PTPRD: variants seen among roughly 807,000 people sequenced by gnomAD.
The protein encoded by PTPRD is receptor-type tyrosine-protein phosphatase delta.
A neutral mutation model predicts 214.5 loss-of-function variants in PTPRD; 34 were observed. The observed-to-expected ratio is 0.16, with a 90% confidence interval of 0.12 to 0.21. PTPRD has a LOEUF of 0.21. Ranked by LOEUF, PTPRD falls within the 10% of genes least tolerant of loss-of-function variation. The probability of loss-of-function intolerance (pLI) is 1.00; values close to 1 mark genes in which losing one functional copy is unlikely to be tolerated. For synonymous variants in PTPRD, 1,128 were observed against 845.7 expected, an observed-to-expected ratio of 1.33 and a Z score of -5.79; for missense variants, 2,545 against 2,398.7, an observed-to-expected ratio of 1.06 and a Z score of -1.27.
intron 2 of PTPRD, among the ~76,000 whole-genome samples, chr9:10,364,677 G>T (rs568507082): frequency 6.6e-6 from 1 of 152,086 alleles, no homozygotes; most frequent in East Asian, 1.9e-4. Context: ...AAATAATTAA[G>T]ATATAGAACA....
intron 9 of PTPRD, among the ~76,000 whole-genome samples, chr9:9,322,422 T>C (rs986188224): frequency 6.6e-6 from 1 of 152,186 alleles, no homozygotes; most frequent in African/African-American, 2.4e-5. Flanking sequence ...AGAGTTTAAA[T>C]AACACATTTC....
chr9:10,337,062 C>A (rs1320284309), intron 3 of PTPRD, among the ~76,000 whole-genome samples: 5 of 151,708 alleles, frequency 3.3e-5, no homozygotes, highest in Non-Finnish European at 2.9e-5. Context: ...ATCTACACAA[C>A]CTTGCTTATT....
intron 9 of PTPRD, among the ~76,000 whole-genome samples, chr9:9,363,631 G>C (rs2056963649): frequency 6.6e-6 from 1 of 151,160 alleles, no homozygotes; most frequent in South Asian, 2.1e-4. Context: ...GGTTTTTCTA[G>C]CTAAGTGGAA....
At position 10,074,627 on chromosome 9, in the gene PTPRD, A is replaced by C. The variant is rs546398908; in HGVS notation, c.-544-40837T>G. Among the ~76,000 whole-genome samples the C allele has an allele frequency of 3.3e-5, 5 of 152,248 alleles. No individual in the cohort carries two copies. In the South Asian group the frequency reaches 1.0e-3, roughly 32 times the overall value. On this transcript the variant is annotated intron_variant, in intron 3 of 45. Coordinates refer to ENST00000381196, the MANE Select transcript of PTPRD (RefSeq NM_002839.4). Reference sequence around the variant, plus strand: ...TCTCTGATCCCACTAAAGCCCATGGATAGCAGTTAATGTCACCAGTTTTTG... The same window carrying C: ...TCTCTGATCCCACTAAAGCCCATGGCTAGCAGTTAATGTCACCAGTTTTTG...
chr9:9,776,511 G>C (rs999917719), intron 5 of PTPRD, among the ~76,000 whole-genome samples: 3 of 152,046 alleles, frequency 2.0e-5, no homozygotes, highest in African/African-American at 7.3e-5. Context: ...CAGACACTGA[G>C]AAAACATCTG....
intron 8 of PTPRD, among the ~76,000 whole-genome samples, chr9:9,490,136 A>G (rs2095837927): frequency 6.6e-6 from 1 of 152,124 alleles, no homozygotes; most frequent in South Asian, 2.1e-4. Context: ...CAATTGCCAA[A>G]CAAGAATGCT....
chr9:10,589,067 T>A (rs1200987489), intron 2 of PTPRD, among the ~76,000 whole-genome samples: 1 of 152,178 alleles, frequency 6.6e-6, no homozygotes, highest in Admixed American at 6.6e-5. Context: ...AATAATTGCA[T>A]AGAGTTGTCT....
chr9:10,280,337 A>G (rs2095026916), intron 3 of PTPRD, among the ~76,000 whole-genome samples: 1 of 145,444 alleles, frequency 6.9e-6, no homozygotes, highest in South Asian at 2.1e-4. Flanking sequence ...GAAGTAGGAG[A>G]AAAATATTTA....
chr9:9,236,678 C>G (rs2099966949), intron 9 of PTPRD, among the ~76,000 whole-genome samples: 1 of 151,558 alleles, frequency 6.6e-6, no homozygotes, highest in Admixed American at 6.6e-5. Flanking sequence ...GGTCCTTCCC[C>G]TTCCATGAAC....
chr9:8,561,051 T>A (rs980941627), intron 14 of PTPRD, among the ~76,000 whole-genome samples: 7 of 152,150 alleles, frequency 4.6e-5, no homozygotes, highest in Non-Finnish European at 1.0e-4. Flanking sequence ...GTTTAAAGCC[T>A]GAAAGCCAAG....
intron 3 of PTPRD, among the ~76,000 whole-genome samples, chr9:10,138,502 G>C (rs79406500): frequency 0.027 from 4,148 of 152,140 alleles, 68 homozygotes; most frequent in Middle Eastern, 0.071. Context: ...CATAGAGCTG[G>C]TACCAATCCT....
chr9:9,740,815 G>A (rs1254595565), intron 6 of PTPRD, among the ~76,000 whole-genome samples: 1 of 152,108 alleles, frequency 6.6e-6, no homozygotes, highest in African/African-American at 2.4e-5. Context: ...ACTCACTAGT[G>A]GAAGCTACCA....
chr9:9,759,555 C>CTTTTTTTTTTTTTTTTTTTTTTTTT lies in PTPRD; in HGVS notation c.-326+7254_-326+7255insAAAAAAAAAAAAAAAAAAAAAAAAA, dbSNP rs3050068. On this transcript the variant is annotated intron_variant, in intron 6 of 45. Transcript: ENST00000381196. ...ACATCTTCAAATAGTCAAGGTCTGTCTTTTTTTTTTTTTTTTTTTTGAGAT... is the reference window on the plus strand; with the variant it reads ...ACATCTTCAAATAGTCAAGGTCTGTCTTTTTTTTTTTTTTTTTTTTTTTTTTTTTTTTTTTTTTTTTTTTTGAGAT... 4.2e-5 allele frequency among the ~76,000 whole-genome samples: 5 copies of CTTTTTTTTTTTTTTTTTTTTTTTTT among 117,816 alleles called. No individual in the cohort carries two copies. In the East Asian group the frequency reaches 1.0e-3, roughly 24 times the overall value. The allele number at this position is 117,816 out of a possible 152,430, so 77.3% of individuals were successfully genotyped here.
At chr9:10,196,094 C>G (rs1039410001) in intron 3 of PTPRD, among the ~76,000 whole-genome samples, 5 of 152,130 alleles carry the variant, frequency 3.3e-5, no homozygotes, top group Admixed American at 3.3e-4. Context: ...TTTCTATACA[C>G]TTATAGAAAT....
chr9:9,417,401 G>T (rs1176607623), intron 8 of PTPRD, among the ~76,000 whole-genome samples: 1 of 151,968 alleles, frequency 6.6e-6, no homozygotes, highest in African/African-American at 2.4e-5. Flanking sequence ...AACCTTAGAG[G>T]TTTGTGTTCT....
At chr9:10,301,568 A>T (rs950550499) in intron 3 of PTPRD, among the ~76,000 whole-genome samples, 1 of 152,218 alleles carries the variant, frequency 6.6e-6, no homozygotes, top group Non-Finnish European at 1.5e-5. Context: ...TATAGAGAAG[A>T]ACATAAATAA....
At chr9:9,203,231 A>G (rs1436966801) in intron 9 of PTPRD, among the ~76,000 whole-genome samples, 1 of 150,940 alleles carries the variant, frequency 6.6e-6, no homozygotes, top group East Asian at 1.9e-4. Context: ...ACTCCATCAG[A>G]CACACACACA....
At chr9:9,840,082 G>A (rs1254573226) in intron 5 of PTPRD, among the ~76,000 whole-genome samples, 1 of 151,912 alleles carries the variant, frequency 6.6e-6, no homozygotes, top group Admixed American at 6.6e-5. Context: ...CTGTCACCCA[G>A]GCTGAAGTGC....
At chr9:8,440,107 T>TC (rs1226360188) in intron 34 of PTPRD, among the ~76,000 whole-genome samples, 2 of 151,990 alleles carry the variant, frequency 1.3e-5, no homozygotes, top group East Asian at 1.9e-4. Context: ...TTCCTTTTTT[T>TC]CCCATTTAGA....
Sources: allele counts gnomAD v4.1 joint callset (sites outside exome capture counted in the v4.1 genomes callset), GRCh38; gene constraint gnomAD v4.1.1; transcripts MANE v1.5; gene names NCBI Gene and HGNC (gene_info 2026-07-23, HGNC 2026-07-21).